The following RFX7 variants were observed in gnomAD, a reference collection of about 807,000 sequenced individuals.
RFX7 encodes DNA-binding protein RFX7.
Under a neutral mutation model 111.8 loss-of-function variants are expected in RFX7, and 26 were observed. The ratio of observed to expected loss-of-function variants is 0.23; its 90% CI spans 0.17 to 0.32. The LOEUF is 0.32. RFX7 is among the 10% of genes least tolerant of loss of function. RFX7 has a pLI of 1.00. For synonymous variants in RFX7, 624 were observed against 624.4 expected (o/e 1.00, Z 0.01); for missense variants, 1,573 against 1,772.9 (o/e 0.89, Z 2.02).
At chr15:56,111,357 G>C (rs1454244511) in intron 5 of RFX7, among the ~76,000 whole-genome samples, 1 of 151,986 alleles carries the variant, frequency 6.6e-6, no homozygotes, top group Non-Finnish European at 1.5e-5. Context: ...CCCCCAACCC[G>C]GTGCTCTCTG....
chr15:56,231,412 C>T (rs2043556344), intron 2 of RFX7, among the ~76,000 whole-genome samples: 2 of 152,088 alleles, frequency 1.3e-5, no homozygotes, highest in Non-Finnish European at 2.9e-5. Flanking sequence ...TACATGGTGG[C>T]AGACAAGAGA....
rs113681004 is a variant in RFX7 at position 56,169,072 on chromosome 15, C to T, written c.195+10198G>A. On this transcript the variant is annotated intron_variant, in intron 3 of 9. Coordinates refer to ENST00000559447, the MANE Select transcript of RFX7 (RefSeq NM_022841.7). ...CATAGTCCTAGTAGATAAAGATTTC[C>T]GAAAATGGTAACTTCTGAGCTAGTG... 7.4e-3 allele frequency among the ~76,000 whole-genome samples: 1,123 copies of T among 152,082 alleles called. 11 individuals are homozygous for T. Among genetic ancestry groups the T allele is most frequent in the African/African-American group, 0.026 (1,090 of 41,472 alleles).
intron 3 of RFX7, among the ~76,000 whole-genome samples, chr15:56,152,467 G>A (rs1027527929): frequency 4.6e-5 from 7 of 152,124 alleles, no homozygotes; most frequent in Admixed American, 1.3e-4. Flanking sequence ...GGTAAATAAC[G>A]AAATGAAGGC....
At chr15:56,224,924 A>G (rs1432958532) in intron 2 of RFX7, among the ~76,000 whole-genome samples, 2 of 152,150 alleles carry the variant, frequency 1.3e-5, no homozygotes, top group African/African-American at 4.8e-5. Context: ...CTGTTTAAAC[A>G]GCTAACCAAC....
chr15:56,135,813 C>A (rs1382312345), intron 5 of RFX7, among the ~76,000 whole-genome samples: 8 of 151,856 alleles, frequency 5.3e-5, no homozygotes, highest in Admixed American at 1.3e-4. Flanking sequence ...GGAAGGGATC[C>A]AGTTTCAGCT....
chr15:56,168,715 A>G (rs1284991127), intron 3 of RFX7, among the ~76,000 whole-genome samples: 3 of 152,150 alleles, frequency 2.0e-5, no homozygotes, highest in African/African-American at 7.2e-5. Context: ...TGGAGGTTGA[A>G]GTTCCTAAAG....
intron 5 of RFX7, among the ~76,000 whole-genome samples, chr15:56,138,657 T>G (rs1595957024): frequency 6.6e-6 from 1 of 152,318 alleles, no homozygotes; most frequent in East Asian, 1.9e-4. Flanking sequence ...ATCCTGTCAT[T>G]ATGATGTTAG....
At chr15:56,141,656 A>ATATATATATATAT (rs1555421058) in intron 5 of RFX7, among the ~76,000 whole-genome samples, 1 of 83,210 alleles carries the variant, frequency 1.2e-5, no homozygotes, top group African/African-American at 6.6e-5. Flanking sequence ...GCTTACTCTA[A>ATATATATATATAT]ATATATATAT....
chr15:56,226,889 G>C (rs2043491694), intron 2 of RFX7, among the ~76,000 whole-genome samples: 1 of 152,110 alleles, frequency 6.6e-6, no homozygotes. Context: ...ACTCGGATGG[G>C]AGTGGGAGTG....
intron 3 of RFX7, among the ~76,000 whole-genome samples, chr15:56,176,269 G>C (rs75946867): frequency 0.066 from 10,050 of 152,158 alleles, 449 homozygotes; most frequent in Admixed American, 0.11. Context: ...AAAGTATTTG[G>C]AAAGATAATG....
chr15:56,163,522 A>G (rs1234713099), intron 3 of RFX7, among the ~76,000 whole-genome samples: 1 of 152,224 alleles, frequency 6.6e-6, no homozygotes, highest in Non-Finnish European at 1.5e-5. Flanking sequence ...GCACTATCTT[A>G]TATTTTAGTA....
At position 56,094,443 on chromosome 15, in the gene RFX7, C is replaced by T. The variant is rs2041642764; in HGVS notation, c.3285G>A (p.Arg1095=). 6.2e-7 allele frequency: 1 copy of T among 1,613,800 alleles called. No individual in the cohort carries two copies. Among genetic ancestry groups the T allele is most frequent in the Non-Finnish European group, 8.5e-7 (1 of 1,179,860 alleles). The change falls in exon 10 of 10, where the codon AGG becomes AGA. Residue 1095 remains arginine, a synonymous_variant. Coordinates refer to ENST00000559447, the MANE Select transcript of RFX7 (RefSeq NM_022841.7). ...CAGGCACAGCAAAAGCATGAGGTTT[C>T]CTGAAACGGTCTTCCACTAGTTCCT... ...SYQELVEDRF[R]KPHAFAVPGQ...
chr15:56,165,541 A>G (rs932962562), intron 3 of RFX7, among the ~76,000 whole-genome samples: 4 of 152,178 alleles, frequency 2.6e-5, no homozygotes, highest in Non-Finnish European at 5.9e-5. Flanking sequence ...TCTCATGAAT[A>G]AACCCTACCC....
chr15:56,231,398 G>A (rs1368152257), intron 2 of RFX7, among the ~76,000 whole-genome samples: 6 of 152,108 alleles, frequency 3.9e-5, no homozygotes, highest in African/African-American at 4.8e-5. Context: ...CAAAAGTCTC[G>A]TCTTACATGG....
chr15:56,176,364 T>C lies in RFX7; in HGVS notation c.195+2906A>G, dbSNP rs147138744. ...AACATGAAGTGATCCACTATATACG[T>C]AGTCAAACTGTTAAAAGTCAGAGAG... On this transcript the variant is annotated intron_variant, in intron 3 of 9. Coordinates refer to ENST00000559447, the MANE Select transcript of RFX7 (RefSeq NM_022841.7). 6.6e-5 allele frequency among the ~76,000 whole-genome samples: 10 copies of C among 152,240 alleles called. No homozygotes were observed. In the South Asian group the frequency reaches 1.7e-3, roughly 25 times the overall value.
At chr15:56,207,374 T>G (rs2043264974) in intron 2 of RFX7, among the ~76,000 whole-genome samples, 1 of 152,166 alleles carries the variant, frequency 6.6e-6, no homozygotes, top group Non-Finnish European at 1.5e-5. Context: ...ACAATCAATG[T>G]GACTGTACTT....
At chr15:56,150,413 T>C (rs898439046) in intron 3 of RFX7, among the ~76,000 whole-genome samples, 1 of 152,182 alleles carries the variant, frequency 6.6e-6, no homozygotes. Flanking sequence ...AGGAGAGCTC[T>C]GGCTGGCATC....
At chr15:56,141,608 G>C (rs2042394454) in intron 5 of RFX7, among the ~76,000 whole-genome samples, 1 of 135,022 alleles carries the variant, frequency 7.4e-6, no homozygotes, top group Non-Finnish European at 1.5e-5. Context: ...TTTCGGAGGG[G>C]TCTATTTTAA....
intron 3 of RFX7, among the ~76,000 whole-genome samples, chr15:56,175,733 A>G (rs932228159): frequency 2.0e-5 from 3 of 152,192 alleles, no homozygotes; most frequent in African/African-American, 4.8e-5. Flanking sequence ...AAATGGTTCA[A>G]ACATCTAAAA....
Sources: allele counts gnomAD v4.1 joint callset (sites outside exome capture counted in the v4.1 genomes callset), GRCh38; gene constraint gnomAD v4.1.1; transcripts MANE v1.5; gene names NCBI Gene and HGNC (gene_info 2026-07-23, HGNC 2026-07-21).